SLC5A4: variants seen among roughly 807,000 people sequenced by gnomAD.
SLC5A4 encodes the protein solute carrier family 5 member 4.
SLC5A4 carries 55 observed loss-of-function variants against 70.3 expected under a neutral mutation model. The ratio of observed to expected loss-of-function variants is 0.78; its 90% CI spans 0.63 to 0.98. The LOEUF is 0.98. SLC5A4 is among the 50% of genes least tolerant of loss of function. The pLI is 0.00. For missense variants in SLC5A4, 735 were observed against 839.2 expected, an observed-to-expected ratio of 0.88 and a Z score of 1.53; for synonymous variants, 268 against 305.7, an observed-to-expected ratio of 0.88 and a Z score of 1.29.
At chr22:32,307,743 C>T in the SLC5A4 span, among the ~76,000 whole-genome samples, 1 of 152,222 alleles carries the variant, frequency 6.6e-6, no homozygotes, top group Non-Finnish European at 1.5e-5. Context: ...AGTGCACAGG[C>T]TTGTCTTCCG....
the SLC5A4 span, among the ~76,000 whole-genome samples, chr22:32,353,138 TG>T: frequency 6.6e-6 from 1 of 152,210 alleles, no homozygotes; most frequent in Non-Finnish European, 1.5e-5. Context: ...CCTCTCCTTT[TG>T]GCCCAAGTTG....
At chr22:32,352,638 C>G in the SLC5A4 span, among the ~76,000 whole-genome samples, 3 of 152,126 alleles carry the variant, frequency 2.0e-5, no homozygotes, top group Non-Finnish European at 4.4e-5. Context: ...CTACCCACCC[C>G]AGGCCAGGCA....
At chr22:32,329,749 GGT>G in the SLC5A4 span, among the ~76,000 whole-genome samples, 3 of 48,222 alleles carry the variant, frequency 6.2e-5, no homozygotes, top group African/African-American at 9.3e-5. Context: ...TGGGGGCTCT[GGT>G]GTGTGTGTGT....
chr22:32,224,567 C>A, intron 12 of SLC5A4, 85 bp from the exon 13 acceptor site: 2 of 1,134,808 alleles, frequency 1.8e-6, no homozygotes, highest in Non-Finnish European at 2.6e-6. Flanking sequence ...ATCCTGCCTG[C>A]TTTCTCAGTT....
the SLC5A4 span, among the ~76,000 whole-genome samples, chr22:32,330,520 G>C: frequency 1.9e-4 from 23 of 118,618 alleles, no homozygotes; most frequent in African/African-American, 2.9e-4. Context: ...GTTGGGGGCT[G>C]TGTGTGTCTG....
the SLC5A4 span, among the ~76,000 whole-genome samples, chr22:32,331,377 C>T: frequency 6.6e-6 from 1 of 152,026 alleles, no homozygotes; most frequent in Non-Finnish European, 1.5e-5. Flanking sequence ...GATGGCGGCA[C>T]GGGGGAAATG....
rs1261204427 is a variant in SLC5A4, at chr22:32,251,821, C to T, written c.261G>A (p.Leu87=). Residue 87 remains leucine, a synonymous_variant, in exon 3 of 15, where the codon CTG becomes CTA. Coordinates refer to ENST00000266086, the MANE Select transcript of SLC5A4 (RefSeq NM_014227.3). ...CTCCTGAAGCTGCTCCTGTCCCAGC[C>T]AGCCCCACATAGTGGTTGCTGCCGA... The part of the protein sequence containing the change: ...SNIGSNHYVG[L]AGTGAASGVA... The T allele has an allele frequency of 6.2e-6, 10 of 1,613,982 alleles. No homozygotes were observed. In the Admixed American group the frequency reaches 6.7e-5, roughly 11 times the overall value.
intron 5 of SLC5A4, among the ~76,000 whole-genome samples, chr22:32,239,554 A>ATATATATATATATATT (rs1555989378): frequency 0.091 from 1,406 of 15,408 alleles, 44 homozygotes; most frequent in South Asian, 0.13. Flanking sequence ...ATATATATAT[A>ATATATATATATATATT]TATATATATA....
At chr22:32,308,787 C>A in the SLC5A4 span, among the ~76,000 whole-genome samples, 6 of 152,106 alleles carry the variant, frequency 3.9e-5, no homozygotes, top group East Asian at 1.9e-4. Context: ...AGGGCATGTG[C>A]TTGTGTGTCC....
chr22:32,279,042 C>T, the SLC5A4 span, among the ~76,000 whole-genome samples: 1 of 152,076 alleles, frequency 6.6e-6, no homozygotes, highest in African/African-American at 2.4e-5. Context: ...TTTGGGAGGC[C>T]GAGGCGAACG....
intron 12 of SLC5A4, among the ~76,000 whole-genome samples, chr22:32,225,429 G>A (rs574074948): frequency 1.3e-5 from 2 of 152,300 alleles, no homozygotes; most frequent in South Asian, 4.2e-4. Flanking sequence ...TCTGCACCAT[G>A]TATGTACGTA....
chr22:32,283,687 A>C, the SLC5A4 span, among the ~76,000 whole-genome samples: 1 of 152,236 alleles, frequency 6.6e-6, no homozygotes, highest in East Asian at 1.9e-4. Context: ...AAAATGAGGT[A>C]AGATAATTAG....
the SLC5A4 span, among the ~76,000 whole-genome samples, chr22:32,330,943 GA>G: frequency 1.3e-4 from 13 of 96,718 alleles, no homozygotes; most frequent in East Asian, 7.1e-4. Flanking sequence ...GTATGTGTTG[GA>G]GGCTCTGGTG....
chr22:32,353,219 C>T, the SLC5A4 span, among the ~76,000 whole-genome samples: 120 of 152,220 alleles, frequency 7.9e-4, no homozygotes, highest in Middle Eastern at 3.4e-3. Context: ...CTACTAGAAC[C>T]GCTGGGCCCA....
At chr22:32,313,647 A>G in the SLC5A4 span, among the ~76,000 whole-genome samples, 4 of 152,144 alleles carry the variant, frequency 2.6e-5, no homozygotes, top group Non-Finnish European at 5.9e-5. Context: ...AAGAAATACA[A>G]ACTCCATCTG....
the SLC5A4 span, among the ~76,000 whole-genome samples, chr22:32,336,441 T>C: frequency 2.6e-5 from 4 of 152,332 alleles, no homozygotes; most frequent in Admixed American, 1.3e-4. Context: ...AAACTAAAGA[T>C]TCCAAACTGG....
the SLC5A4 span, among the ~76,000 whole-genome samples, chr22:32,315,064 T>C: frequency 6.6e-6 from 1 of 152,196 alleles, no homozygotes; most frequent in African/African-American, 2.4e-5. Context: ...AACTGTATAC[T>C]TAAAAATGGT....
At chr22:32,281,903 G>A in the SLC5A4 span, among the ~76,000 whole-genome samples, 1 of 152,164 alleles carries the variant, frequency 6.6e-6, no homozygotes, top group Non-Finnish European at 1.5e-5. Context: ...GAGCGCAGTG[G>A]CACGATCTTG....
chr22:32,261,642 T>C, the SLC5A4 span, among the ~76,000 whole-genome samples: 1 of 152,238 alleles, frequency 6.6e-6, no homozygotes, highest in African/African-American at 2.4e-5. Flanking sequence ...GCTGGGCCAC[T>C]AGTCCAATTT....
Sources: allele counts gnomAD v4.1 joint callset (sites outside exome capture counted in the v4.1 genomes callset), GRCh38; gene constraint gnomAD v4.1.1; transcripts MANE v1.5; gene names NCBI Gene and HGNC (gene_info 2026-07-23, HGNC 2026-07-21).